The following OR51B5 variants were observed in gnomAD, a reference collection of about 807,000 sequenced individuals.
The protein encoded by OR51B5 is olfactory receptor 51B5.
For missense variants in OR51B5, 456 were observed against 374.6 expected (o/e 1.22, Z -1.79); for synonymous variants, 186 against 144.8 (o/e 1.28, Z -2.04).
At chr11:5,376,740 C>A (rs563375750) in intron 1 of OR51B5, among the ~76,000 whole-genome samples, 1 of 151,886 alleles carries the variant, frequency 6.6e-6, no homozygotes, top group African/African-American at 2.4e-5. Flanking sequence ...GACACATACA[C>A]TATCCCAAGA....
intron 1 of OR51B5, among the ~76,000 whole-genome samples, chr11:5,361,130 T>C (rs141871644): frequency 0.011 from 1,554 of 140,370 alleles, 27 homozygotes; most frequent in African/African-American, 0.038. Flanking sequence ...CCCTAAAACT[T>C]AAAGTATAAT....
At chr11:5,399,797 A>AT (rs1301435201) in intron 1 of OR51B5, among the ~76,000 whole-genome samples, 3 of 151,798 alleles carry the variant, frequency 2.0e-5, no homozygotes, top group Non-Finnish European at 2.9e-5. Flanking sequence ...AGAAAAAAAA[A>AT]GGAAGAAAAC....
At chr11:5,341,541 C>G (rs1848892836), downstream of OR51B5, among the ~76,000 whole-genome samples, 1 of 152,128 alleles carries the variant, frequency 6.6e-6, no homozygotes, top group African/African-American at 2.4e-5. Context: ...TAACCTCCCT[C>G]TTTTTAGGAT....
chr11:5,480,294 G>T (rs1396231797), intron 1 of OR51B5, among the ~76,000 whole-genome samples: 11 of 151,188 alleles, frequency 7.3e-5, no homozygotes, highest in African/African-American at 2.7e-4. Context: ...AAATAAAGAT[G>T]TTCTTTGAAA....
intron 1 of OR51B5, among the ~76,000 whole-genome samples, chr11:5,360,823 G>A (rs1314521339): frequency 1.3e-5 from 2 of 150,142 alleles, no homozygotes; most frequent in East Asian, 2.0e-4. Flanking sequence ...AAAAAATGAA[G>A]AGTTCATGTC....
At chr11:5,342,785 A>C in exon 1 of OR51B5, 1 of 1,613,678 alleles carries the variant, frequency 6.2e-7, no homozygotes, top group South Asian at 1.1e-5. Flanking sequence ...ATAAAAAACC[A>C]GGACACAGCA....
At chr11:5,435,312 AG>A (rs1850577973) in intron 1 of OR51B5, among the ~76,000 whole-genome samples, 1 of 152,244 alleles carries the variant, frequency 6.6e-6, no homozygotes, top group East Asian at 1.9e-4. Context: ...TCTACATTAT[AG>A]ATAATGTTGC....
At chr11:5,447,282 G>A (rs1590000680) in intron 1 of OR51B5, among the ~76,000 whole-genome samples, 1 of 152,164 alleles carries the variant, frequency 6.6e-6, no homozygotes. Context: ...TGGTTGGGAA[G>A]CATTGACAGA....
At chr11:5,342,703 CATA>C (rs1010162178) in exon 1 of OR51B5, 1 of 1,613,824 alleles carries the variant, frequency 6.2e-7, no homozygotes. Context: ...AGGCATAGCT[CATA>C]ATGAGGTGAA....
At chr11:5,463,509 T>A (rs1851090182) in intron 1 of OR51B5, among the ~76,000 whole-genome samples, 1 of 152,266 alleles carries the variant, frequency 6.6e-6, no homozygotes, top group South Asian at 2.1e-4. Flanking sequence ...TCAACCTTCA[T>A]TCTTCCTAGC....
At chr11:5,454,482 C>T (rs1850922275) in intron 1 of OR51B5, 4 of 1,304,188 alleles carry the variant, frequency 3.1e-6, no homozygotes, top group East Asian at 2.3e-5. Context: ...TCATCAGTAG[C>T]ATCGTCATCA....
At chr11:5,489,358 G>T in intron 1 of OR51B5, 2 of 1,613,928 alleles carry the variant, frequency 1.2e-6, no homozygotes, top group Non-Finnish European at 1.7e-6. Context: ...CATTCTCATT[G>T]CCATTTCCTA....
intron 1 of OR51B5, among the ~76,000 whole-genome samples, chr11:5,378,514 G>T (rs558459690): frequency 6.6e-6 from 1 of 152,126 alleles, no homozygotes; most frequent in African/African-American, 2.4e-5. Context: ...TACCATCAGA[G>T]TGAACAGGCA....
chr11:5,375,903 G>A (rs1256384572), intron 1 of OR51B5, among the ~76,000 whole-genome samples: 4 of 151,990 alleles, frequency 2.6e-5, no homozygotes, highest in Non-Finnish European at 4.4e-5. Flanking sequence ...ACAGATCAAC[G>A]AGACAGAAAG....
At chr11:5,479,835 A>G (rs1403876735) in intron 1 of OR51B5, among the ~76,000 whole-genome samples, 1 of 143,838 alleles carries the variant, frequency 7.0e-6, no homozygotes, top group African/African-American at 2.6e-5. Context: ...ATATGCACCC[A>G]ATACAGGAGC....
chr11:5,452,504 C>CAAAAAAA lies in OR51B5; in HGVS notation n.84+53058_84+53064dup, dbSNP rs56677841. On this transcript the variant is annotated intron_variant and non_coding_transcript_variant, in intron 1 of 4. Transcript: ENST00000415970. Reference sequence around the variant, plus strand: ...TGGGCAAAAGAGAGAGACTCTGTCTCAAAAAAAAAAAAAAAAAAAAAAAAA... The same window carrying CAAAAAAA: ...TGGGCAAAAGAGAGAGACTCTGTCTCAAAAAAAAAAAAAAAAAAAAAAAAAAAAAAAA... 7.4e-4 allele frequency among the ~76,000 whole-genome samples: 51 copies of CAAAAAAA among 69,210 alleles called. 1 individual carries two copies. The highest frequency in any genetic ancestry group is 8.3e-4 in the Non-Finnish European group (32 of 38,394). 45.4% of individuals were successfully genotyped at this position (69,210 alleles called of 152,430 possible).
chr11:5,378,794 T>A lies in OR51B5; in HGVS notation n.85-31884A>T, dbSNP rs534541765. Among the ~76,000 whole-genome samples, 630 of 151,008 alleles carry A rather than the reference T, an allele frequency of 4.2e-3. 7 individuals are homozygous for A. The highest frequency in any genetic ancestry group is 0.014 in the African/African-American group (593 of 41,050). On this transcript the variant is annotated intron_variant and non_coding_transcript_variant, in intron 1 of 4. Coordinates refer to the OR51B5 transcript ENST00000415970. ...CTCATACCAGTTAGAATGGCAATCA[T>A]TAAAAAGTCAGGAAACAACAGGTGC...
At chr11:5,352,018 GTACTCT>G (rs763764616) in intron 1 of OR51B5, 11 of 1,613,860 alleles carry the variant, frequency 6.8e-6, no homozygotes, top group Non-Finnish European at 9.3e-6. Context: ...TCGATCCCAT[GTACTCT>G]CCCATGCTTT....
upstream of OR51B5, among the ~76,000 whole-genome samples, chr11:5,346,675 T>C (rs1415341609): frequency 1.3e-5 from 2 of 152,214 alleles, no homozygotes; most frequent in Admixed American, 6.5e-5. Context: ...TTTGAAGTTC[T>C]ATCAACTTCA....
Sources: allele counts gnomAD v4.1 joint callset (sites outside exome capture counted in the v4.1 genomes callset), GRCh38; gene constraint gnomAD v4.1.1; transcripts MANE v1.5; gene names NCBI Gene and HGNC (gene_info 2026-07-23, HGNC 2026-07-21).